Variants in CHN2 observed in about 807,000 individuals in gnomAD.
The protein encoded by CHN2 is beta-chimaerin.
In CHN2, 35 loss-of-function variants were observed where a neutral mutation model predicts 56.3. That is an observed-to-expected ratio of 0.62 (90% CI 0.47 to 0.82). The LOEUF is 0.82. Ranked by LOEUF, CHN2 falls within the 40% of genes least tolerant of loss-of-function variation. The probability of loss-of-function intolerance (pLI) is 0.00; values close to 1 mark genes in which losing one functional copy is unlikely to be tolerated. For missense variants in CHN2, 491 were observed against 580.5 expected, an observed-to-expected ratio of 0.85 and a Z score of 1.58; for synonymous variants, 210 against 212.8, an observed-to-expected ratio of 0.99 and a Z score of 0.12.
At chr7:29,202,464 G>A (rs545450436) in intron 1 of CHN2, among the ~76,000 whole-genome samples, 1 of 152,306 alleles carries the variant, frequency 6.6e-6, no homozygotes, top group East Asian at 1.9e-4. Context: ...CCATCCTCAA[G>A]TGCAACAAAA....
intron 6 of CHN2, among the ~76,000 whole-genome samples, chr7:29,444,310 T>G (rs1274360041): frequency 6.6e-6 from 1 of 152,202 alleles, no homozygotes; most frequent in Non-Finnish European, 1.5e-5. Context: ...TACCCCAAAA[T>G]GTAGTGACTT....
chr7:29,338,196 G>A (rs1454024123), intron 1 of CHN2, among the ~76,000 whole-genome samples: 1 of 152,200 alleles, frequency 6.6e-6, no homozygotes. Flanking sequence ...ACTATTGGGT[G>A]TACATGTTAC....
At chr7:29,438,153 T>C (rs1295969036) in intron 6 of CHN2, among the ~76,000 whole-genome samples, 1 of 152,224 alleles carries the variant, frequency 6.6e-6, no homozygotes, top group Non-Finnish European at 1.5e-5. Context: ...CAGAGCAGCG[T>C]GCAACTCTAG....
intron 11 of CHN2, among the ~76,000 whole-genome samples, chr7:29,508,418 T>TAAA (rs5883218): frequency 3.1e-4 from 45 of 145,112 alleles, no homozygotes; most frequent in African/African-American, 1.0e-3. Flanking sequence ...TGTTTTTATT[T>TAAA]AAAAAAAAAA....
chr7:29,450,596 G>A (rs1358637930), intron 6 of CHN2, among the ~76,000 whole-genome samples: 1 of 152,128 alleles, frequency 6.6e-6, no homozygotes, highest in South Asian at 2.1e-4. Flanking sequence ...AGCTCCAGAG[G>A]GAGCACAGCC....
chr7:29,468,845 A>C (rs995441342), intron 6 of CHN2, among the ~76,000 whole-genome samples: 9 of 151,744 alleles, frequency 5.9e-5, no homozygotes, highest in African/African-American at 1.7e-4. Context: ...CAATTTTCTG[A>C]CCCCTTAATG....
At chr7:29,301,646 ACATCTCTCTGCCT>A (rs1562901732) in intron 1 of CHN2, among the ~76,000 whole-genome samples, 1 of 152,122 alleles carries the variant, frequency 6.6e-6, no homozygotes, top group East Asian at 1.9e-4. Context: ...AAGTTTCTTA[ACATCTCTCTGCCT>A]CATCTCATCT....
chr7:29,262,470 G>T (rs770235392), intron 1 of CHN2, among the ~76,000 whole-genome samples: 2 of 152,156 alleles, frequency 1.3e-5, no homozygotes, highest in South Asian at 2.1e-4. Flanking sequence ...ATTATATCAG[G>T]ATTAGAGTGT....
At chr7:29,304,761 TA>T (rs2128880666) in intron 1 of CHN2, among the ~76,000 whole-genome samples, 1 of 152,198 alleles carries the variant, frequency 6.6e-6, no homozygotes, top group South Asian at 2.1e-4. Context: ...AAGGAAGATA[TA>T]GGGGGAGGCC....
intron 1 of CHN2, among the ~76,000 whole-genome samples, chr7:29,328,949 G>T (rs570097146): frequency 2.3e-4 from 35 of 152,250 alleles, no homozygotes; most frequent in African/African-American, 8.4e-4. Flanking sequence ...AACAGTCATG[G>T]TGCTTATGAC....
intron 6 of CHN2, among the ~76,000 whole-genome samples, chr7:29,446,189 C>T (rs1017491625): frequency 2.0e-5 from 3 of 152,114 alleles, no homozygotes; most frequent in Non-Finnish European, 4.4e-5. Context: ...GTACACTGCT[C>T]GGGTTACAGG....
chr7:29,286,352 TATC>T (rs1263944355), intron 1 of CHN2, among the ~76,000 whole-genome samples: 1 of 151,760 alleles, frequency 6.6e-6, no homozygotes, highest in Non-Finnish European at 1.5e-5. Context: ...TGGGGTATCT[TATC>T]ATAAGAAATA....
intron 6 of CHN2, chr7:29,445,127 A>C (rs916295319): frequency 6.1e-5 from 28 of 455,918 alleles, no homozygotes; most frequent in African/African-American, 5.0e-4. Flanking sequence ...TGGAACAGAA[A>C]GTTAGTGTCA....
At chr7:29,178,946 T>C (rs1562810956) in intron 2 of CHN2, among the ~76,000 whole-genome samples, 1 of 152,192 alleles carries the variant, frequency 6.6e-6, no homozygotes. Flanking sequence ...TTAAGGGACA[T>C]TATAGTCCAG....
intron 6 of CHN2, among the ~76,000 whole-genome samples, chr7:29,424,848 C>T (rs1252163629): frequency 2.6e-5 from 4 of 152,210 alleles, no homozygotes; most frequent in Non-Finnish European, 4.4e-5. Context: ...CCCTCCCTCA[C>T]CTCCTTTACC....
chr7:29,324,906 C>T (rs1342933509), intron 1 of CHN2, among the ~76,000 whole-genome samples: 1 of 152,144 alleles, frequency 6.6e-6, no homozygotes, highest in African/African-American at 2.4e-5. Flanking sequence ...AAATACTTTC[C>T]TATCAACTAA....
At chr7:29,333,884 A>G (rs1239992047) in intron 1 of CHN2, among the ~76,000 whole-genome samples, 1 of 151,890 alleles carries the variant, frequency 6.6e-6, no homozygotes, top group African/African-American at 2.4e-5. Context: ...CTGGTGAGAA[A>G]AGGTAGATGA....
chr7:29,298,199 G>GAT (rs1793343815), intron 1 of CHN2, among the ~76,000 whole-genome samples: 1 of 152,226 alleles, frequency 6.6e-6, no homozygotes, highest in African/African-American at 2.4e-5. Flanking sequence ...TTATGCCATA[G>GAT]ATAGTAGCAC....
chr7:29,265,720 G>T (rs1168404223), intron 1 of CHN2, among the ~76,000 whole-genome samples: 2 of 150,444 alleles, frequency 1.3e-5, no homozygotes, highest in Non-Finnish European at 2.9e-5. Flanking sequence ...GGCATGTAGG[G>T]AGGAGAATCC....
Sources: allele counts gnomAD v4.1 joint callset (sites outside exome capture counted in the v4.1 genomes callset), GRCh38; gene constraint gnomAD v4.1.1; transcripts MANE v1.5; gene names NCBI Gene and HGNC (gene_info 2026-07-23, HGNC 2026-07-21).